The following IRGM variants were observed in gnomAD, a reference collection of about 807,000 sequenced individuals.
The protein encoded by IRGM is immunity related GTPase M, also known as immunity-related GTPase family M protein.
For missense variants in IRGM, 288 were observed against 219.9 expected (o/e 1.31, Z -1.96); for synonymous variants, 98 against 80.6 (o/e 1.22, Z -1.16).
chr5:150,862,668 A>G (rs1189444578), intron 1 of IRGM, among the ~76,000 whole-genome samples: 1 of 152,172 alleles, frequency 6.6e-6, no homozygotes, highest in Admixed American at 6.5e-5. Context: ...CTAGGTATGT[A>G]AAAGAGGTAA....
intron 1 of IRGM, among the ~76,000 whole-genome samples, chr5:150,875,954 A>G (rs1754356525): frequency 6.6e-6 from 1 of 152,196 alleles, no homozygotes. Context: ...TGCTTCTGCC[A>G]AGACTTCCAC....
chr5:150,866,907 G>A (rs1380138417), intron 1 of IRGM, among the ~76,000 whole-genome samples: 1 of 152,064 alleles, frequency 6.6e-6, no homozygotes, highest in Non-Finnish European at 1.5e-5. Context: ...ATTTGCAAGT[G>A]ATTTTTTTTG....
chr5:150,850,249 G>T (rs1344085939), downstream of IRGM, among the ~76,000 whole-genome samples: 1 of 152,172 alleles, frequency 6.6e-6, no homozygotes, highest in African/African-American at 2.4e-5. Context: ...ATGTATGGCA[G>T]TAAAAGATGT....
chr5:150,853,119 C>T (rs943994273), downstream of IRGM, among the ~76,000 whole-genome samples: 35 of 152,146 alleles, frequency 2.3e-4, no homozygotes, highest in Middle Eastern at 6.8e-3. Context: ...GCTTTTACAG[C>T]GTCCCATTAG....
At chr5:150,900,097 A>C (rs1412787442) in intron 3 of IRGM, among the ~76,000 whole-genome samples, 1 of 152,106 alleles carries the variant, frequency 6.6e-6, no homozygotes, top group Non-Finnish European at 1.5e-5. Context: ...TGAGGATTAC[A>C]GTGGTTAAGT....
In IRGM at chr5:150,848,663, A is replaced by G. The variant is rs1753926278; in HGVS notation, c.540A>G (p.Glu180=). The change falls in exon 2 of 2, where the codon GAA becomes GAG. Residue 180 remains glutamate (E), a synonymous_variant. Transcript: ENST00000522154. ...LENLQKERVC[E]Y is the part of the protein sequence containing the mutation. Reference sequence around the variant, plus strand: ...ATCTCCAGAAGGAGCGGGTATGTGAATACTAATTCCTGTCTTCATTAAACA... The same window carrying G: ...ATCTCCAGAAGGAGCGGGTATGTGAGTACTAATTCCTGTCTTCATTAAACA... 1.3e-6 allele frequency: 2 copies of G among 1,523,578 alleles called. No individual in the cohort carries two copies. The highest frequency in any genetic ancestry group is 4.9e-5 in the East Asian group (2 of 40,630). The allele number at this position is 1,523,578 out of a possible 1,614,324, so 94.4% of individuals were successfully genotyped here.
chr5:150,901,811 G>A (rs1561758895), downstream of IRGM, among the ~76,000 whole-genome samples: 1 of 152,070 alleles, frequency 6.6e-6, no homozygotes, highest in Non-Finnish European at 1.5e-5. Flanking sequence ...GAAATATTAT[G>A]CATCTGATAA....
intron 3 of IRGM, chr5:150,898,289 C>A (rs1396902646): frequency 6.3e-7 from 1 of 1,589,688 alleles, no homozygotes; most frequent in East Asian, 2.2e-5. Flanking sequence ...TAGCCCTCAA[C>A]AAAGGCATAA....
exon 2 of IRGM, chr5:150,878,018 C>A: frequency 2.2e-6 from 1 of 458,234 alleles, no homozygotes; most frequent in South Asian, 1.5e-5. Flanking sequence ...ACCACAGCCA[C>A]GTACCTCTTG....
At chr5:150,896,208 T>C (rs1216612202) in intron 3 of IRGM, 6 of 1,613,558 alleles carry the variant, frequency 3.7e-6, no homozygotes, top group Non-Finnish European at 5.1e-6. Flanking sequence ...GTGAACTCTC[T>C]GATGTATAAT....
At chr5:150,871,725 G>A (rs948560767) in intron 1 of IRGM, among the ~76,000 whole-genome samples, 1 of 152,196 alleles carries the variant, frequency 6.6e-6, no homozygotes, top group African/African-American at 2.4e-5. Flanking sequence ...ATTGAAACAG[G>A]TTACTCTTGG....
intron 3 of IRGM, among the ~76,000 whole-genome samples, chr5:150,887,126 A>C (rs528283204): frequency 1.3e-5 from 2 of 152,198 alleles, no homozygotes; most frequent in Admixed American, 1.3e-4. Context: ...AATTCAGAAT[A>C]TGGACAGAAA....
chr5:150,890,757 T>C (rs1754596878), intron 3 of IRGM, among the ~76,000 whole-genome samples: 1 of 152,094 alleles, frequency 6.6e-6, no homozygotes, highest in Non-Finnish European at 1.5e-5. Context: ...ATATATTTGG[T>C]ATTTTCCACA....
intron 1 of IRGM, among the ~76,000 whole-genome samples, chr5:150,860,422 T>C (rs1484807513): frequency 5.9e-5 from 9 of 152,352 alleles, no homozygotes; most frequent in Non-Finnish European, 8.8e-5. Flanking sequence ...TTGGCACTGA[T>C]GCAACAGTGT....
At chr5:150,874,489 T>C (rs1754334247) in intron 1 of IRGM, among the ~76,000 whole-genome samples, 1 of 152,206 alleles carries the variant, frequency 6.6e-6, no homozygotes, top group Admixed American at 6.5e-5. Context: ...GTTCTGCATT[T>C]GGCCCCTTCT....
intron 1 of IRGM, among the ~76,000 whole-genome samples, chr5:150,876,786 C>A (rs1232127841): frequency 6.6e-6 from 1 of 152,156 alleles, no homozygotes; most frequent in Admixed American, 6.5e-5. Flanking sequence ...AAAGGGAATA[C>A]AGAATGGGTA....
intron 1 of IRGM, among the ~76,000 whole-genome samples, chr5:150,858,577 T>C (rs1289957007): frequency 6.6e-6 from 1 of 152,172 alleles, no homozygotes; most frequent in Non-Finnish European, 1.5e-5. Flanking sequence ...GTTCTTCCAT[T>C]TGTTTGTATC....
At chr5:150,854,921 A>C (rs1275825182) in intron 1 of IRGM, among the ~76,000 whole-genome samples, 3 of 152,194 alleles carry the variant, frequency 2.0e-5, no homozygotes, top group Non-Finnish European at 4.4e-5. Context: ...ATAATGTTTT[A>C]AATGAGTAAA....
At chr5:150,866,333 G>GGGA (rs1370433994) in intron 1 of IRGM, among the ~76,000 whole-genome samples, 2 of 152,214 alleles carry the variant, frequency 1.3e-5, no homozygotes, top group Non-Finnish European at 2.9e-5. Flanking sequence ...ACCACATTTA[G>GGGA]GGAGAAGAGA....
Sources: gnomAD v4.1 joint callset for allele counts (sites outside exome capture counted in the v4.1 genomes callset) on GRCh38, gnomAD v4.1.1 for gene constraint, MANE v1.5 for transcripts, NCBI Gene and HGNC (gene_info 2026-07-23, HGNC 2026-07-21) for gene names.